YWHAB: variants seen among roughly 807,000 people sequenced by gnomAD.
The protein encoded by YWHAB is tyrosine 3-monooxygenase/tryptophan 5-monooxygenase activation protein beta.
Under a neutral mutation model 28.5 loss-of-function variants are expected in YWHAB, and 2 were observed. The ratio of observed to expected loss-of-function variants is 0.07; its 90% CI spans 0.03 to 0.22. The LOEUF is 0.22. Among genes scored for constraint, YWHAB ranks in the 10% least tolerant of loss-of-function variants. The pLI is 1.00. For missense variants in YWHAB, 148 were observed against 297.1 expected (o/e 0.50, Z 3.69); for synonymous variants, 103 against 104.7 (o/e 0.98, Z 0.10).
At chr20:44,889,419 T>A (rs2066547180) in intron 1 of YWHAB, among the ~76,000 whole-genome samples, 1 of 152,178 alleles carries the variant, frequency 6.6e-6, no homozygotes, top group African/African-American at 2.4e-5. Flanking sequence ...ATGTAAATGA[T>A]CAGTGGCCTC....
chr20:44,897,424 A>G lies in YWHAB; in HGVS notation c.-3-4107A>G, dbSNP rs78953792. On this transcript the variant is annotated intron_variant, in intron 1 of 5. Coordinates refer to ENST00000353703, the MANE Select transcript of YWHAB (RefSeq NM_139323.4). ...GACTTCTAACTTTGAGTTAGTCTAC[A>G]GACTGGAAATTTTCTGAAGGTTGTT... is the stretch of plus-strand genomic sequence containing the variant. Among the ~76,000 whole-genome samples, 12 of 152,338 alleles carry G rather than the reference A, an allele frequency of 7.9e-5. No individual in the cohort carries two copies. In the East Asian group the frequency reaches 2.3e-3, roughly 29 times the overall value.
chr20:44,906,464 C>A lies in YWHAB; in HGVS notation c.*26C>A. On this transcript the variant is annotated 3_prime_UTR_variant, in exon 6 of 6. Transcript: ENST00000353703. Reference sequence around the variant, plus strand: ...TGTTTCTCGTGCTTTGTGATCTGTTCAGTGTCACTCTGTACCCTCAACATA... The same window carrying A: ...TGTTTCTCGTGCTTTGTGATCTGTTAAGTGTCACTCTGTACCCTCAACATA... 2 of 1,477,350 alleles carry A rather than the reference C, an allele frequency of 1.4e-6. No individual in the cohort carries two copies. The highest frequency in any genetic ancestry group is 2.3e-5 in the South Asian group (2 of 88,022). The allele number at this position is 1,477,350 out of a possible 1,614,324, so 91.5% of individuals were successfully genotyped here.
intron 1 of YWHAB, among the ~76,000 whole-genome samples, chr20:44,888,777 A>G (rs750439221): frequency 6.6e-6 from 1 of 152,230 alleles, no homozygotes; most frequent in African/African-American, 2.4e-5. Flanking sequence ...CTTGCTTCAT[A>G]CTAGGGAGAA....
At chr20:44,886,128 G>A (rs892847609) in intron 1 of YWHAB, 1 of 152,344 alleles carries the variant, frequency 6.6e-6, no homozygotes, top group Non-Finnish European at 1.5e-5. Context: ...CCGGCCGGGC[G>A]GGGTGCAACT....
intron 1 of YWHAB, among the ~76,000 whole-genome samples, chr20:44,897,876 T>G (rs564163291): frequency 8.1e-4 from 123 of 152,350 alleles, no homozygotes; most frequent in African/African-American, 2.3e-3. Flanking sequence ...GTTTTCACCC[T>G]GCGTGTCCAA....
intron 1 of YWHAB, among the ~76,000 whole-genome samples, chr20:44,892,889 C>T (rs1056951683): frequency 6.6e-6 from 1 of 152,098 alleles, no homozygotes; most frequent in Admixed American, 6.5e-5. Context: ...TTGGGTAATT[C>T]CTGACATATA....
intron 1 of YWHAB, among the ~76,000 whole-genome samples, chr20:44,890,803 C>T (rs112696862): frequency 6.6e-6 from 1 of 152,066 alleles, no homozygotes; most frequent in Admixed American, 6.5e-5. Context: ...GCCACCACGC[C>T]TGGCTGGATT....
At chr20:44,894,868 A>G (rs1348787870) in intron 1 of YWHAB, among the ~76,000 whole-genome samples, 4 of 152,244 alleles carry the variant, frequency 2.6e-5, no homozygotes, top group Non-Finnish European at 5.9e-5. Flanking sequence ...CCTTCCGACT[A>G]TACTACATAT....
intron 1 of YWHAB, among the ~76,000 whole-genome samples, chr20:44,892,449 T>TA (rs1362634259): frequency 1.3e-5 from 2 of 152,142 alleles, no homozygotes; most frequent in Non-Finnish European, 2.9e-5. Context: ...GTGTAATAGA[T>TA]ATACATGTGC....
chr20:44,897,420 C>T (rs566512477), intron 1 of YWHAB, among the ~76,000 whole-genome samples: 11 of 152,284 alleles, frequency 7.2e-5, no homozygotes, highest in African/African-American at 2.4e-4. Flanking sequence ...TTGAGTTAGT[C>T]TACAGACTGG....
chr20:44,906,467 T>G lies in YWHAB; in HGVS notation c.*29T>G. The G allele has an allele frequency of 6.3e-7, 1 of 1,577,792 alleles. No individual in the cohort carries two copies. The highest frequency in any genetic ancestry group is 8.7e-7 in the Non-Finnish European group (1 of 1,154,534). ...TTCTCGTGCTTTGTGATCTGTTCAG[T>G]GTCACTCTGTACCCTCAACATATAT... On this transcript the variant is annotated 3_prime_UTR_variant, in exon 6 of 6. Transcript: ENST00000353703.
chr20:44,895,408 A>G (rs2066589932), intron 1 of YWHAB, among the ~76,000 whole-genome samples: 1 of 152,208 alleles, frequency 6.6e-6, no homozygotes, highest in Non-Finnish European at 1.5e-5. Context: ...TGGAGTAGCC[A>G]AAAGGGAGTC....
chr20:44,897,577 T>C (rs894885709), intron 1 of YWHAB, among the ~76,000 whole-genome samples: 1 of 152,358 alleles, frequency 6.6e-6, no homozygotes, highest in Non-Finnish European at 1.5e-5. Flanking sequence ...AAGTTAGATA[T>C]ATGAAGACAG....
rs2066673726 is a variant in YWHAB, at chr20:44,908,496, AG to A, written c.*2059del. 1 of 152,668 alleles carries A rather than the reference AG, an allele frequency of 6.6e-6. No homozygotes were observed. Among genetic ancestry groups the A allele is most frequent in the African/African-American group, 2.4e-5 (1 of 41,466 alleles). The allele number at this position is 152,668 out of a possible 1,614,324, so 9.5% of individuals were successfully genotyped here. On this transcript the variant is annotated 3_prime_UTR_variant, in exon 6 of 6. Transcript: ENST00000353703. ...ATCAGGAAAAGTGTAAAAATTCAAA[AG>A]TGAAATAAAAATTTTATCAGTTAGT...
At chr20:44,896,442 T>C (rs1203675065) in intron 1 of YWHAB, among the ~76,000 whole-genome samples, 1 of 152,136 alleles carries the variant, frequency 6.6e-6, no homozygotes, top group Admixed American at 6.5e-5. Flanking sequence ...TGAGCAAAGA[T>C]AGAAAAGCAT....
chr20:44,886,275 G>C (rs1389829869), intron 1 of YWHAB: 1 of 152,326 alleles, frequency 6.6e-6, no homozygotes, highest in African/African-American at 2.4e-5. Context: ...TCTGCTCCGT[G>C]CTTTCTGGTT....
Position 44,905,033 on chromosome 20 carries a change from C to G in YWHAB, c.490C>G (p.Pro164Ala). 2 of 1,613,074 alleles carry G rather than the reference C, an allele frequency of 1.2e-6. No individual in the cohort carries two copies. The highest frequency in any genetic ancestry group is 1.7e-6 in the Non-Finnish European group (2 of 1,179,256). The change falls in exon 4 of 6, where the codon CCT becomes GCT. Residue 164 changes from proline (P) to alanine (A), a missense_variant. By Grantham distance (27) the Pro-to-Ala change is conservative (BLOSUM62 -1). Around this residue, in one of 2 missense-constraint regions of YWHAB, gnomAD observed 38 missense variants for 119.2 expected, o/e 0.32. Transcript: ENST00000353703. ...TGAAATTAGTAAGAAAGAAATGCAG[C>G]CTACACACCCAATTCGTCTTGGTCT... is the stretch of plus-strand genomic sequence containing the variant. ...AFEISKKEMQ[P>A]THPIRLGLAL... is the part of the protein sequence containing the mutation.
At chr20:44,892,248 A>G (rs1308288497) in intron 1 of YWHAB, among the ~76,000 whole-genome samples, 1 of 152,038 alleles carries the variant, frequency 6.6e-6, no homozygotes, top group Non-Finnish European at 1.5e-5. Context: ...CCTTATTCTC[A>G]TTTCTTTATC....
At chr20:44,901,036 A>G (rs1316683404) in intron 1 of YWHAB, among the ~76,000 whole-genome samples, 2 of 152,160 alleles carry the variant, frequency 1.3e-5, no homozygotes, top group East Asian at 1.9e-4. Flanking sequence ...GGCCTCCCAG[A>G]GTGCTGGGAT....
Sources: allele counts gnomAD v4.1 joint callset (sites outside exome capture counted in the v4.1 genomes callset), GRCh38; gene constraint gnomAD v4.1.1; regional missense constraint gnomAD v4.1.1; transcripts MANE v1.5; gene names NCBI Gene and HGNC (gene_info 2026-07-23, HGNC 2026-07-21).